The following MAML1 variants were observed in gnomAD, a reference collection of about 807,000 sequenced individuals.
MAML1 encodes the protein mastermind-like protein 1.
A neutral mutation model predicts 77.1 loss-of-function variants in MAML1; 14 were observed. The observed-to-expected ratio is 0.18, with a 90% CI of 0.12 to 0.28. MAML1 has a LOEUF of 0.28. MAML1 is among the 10% of genes least tolerant of loss of function. MAML1 has a pLI of 1.00. For missense variants in MAML1, 1,217 were observed against 1,327.8 expected (o/e 0.92, Z 1.30); for synonymous variants, 516 against 551.9 (o/e 0.93, Z 0.91).
At position 179,768,830 on chromosome 5, in the gene MAML1, T is replaced by A; in HGVS notation, c.1732-20T>A. 1.9e-6 allele frequency: 3 copies of A among 1,613,334 alleles called. No individual in the cohort carries two copies. The highest frequency in any genetic ancestry group is 2.5e-6 in the Non-Finnish European group (3 of 1,179,436). On this transcript the variant is annotated intron_variant, in intron 2 of 4. Transcript: ENST00000292599. ...TGATCAGAGCTTAGAGACTTCACAGTCCCCTATCTGTGTTGACAGGAGCAG... is the reference window on the plus strand; with the variant it reads ...TGATCAGAGCTTAGAGACTTCACAGACCCCTATCTGTGTTGACAGGAGCAG...
At chr5:179,754,864 T>C (rs140551120) in intron 1 of MAML1, among the ~76,000 whole-genome samples, 1 of 152,172 alleles carries the variant, frequency 6.6e-6, no homozygotes, top group Non-Finnish European at 1.5e-5. Context: ...ATTTTTGAGA[T>C]GAAGAGGGGA....
At position 179,746,294 on chromosome 5, in the gene MAML1, G is replaced by C. The variant is rs184989254; in HGVS notation, c.315+12867G>C. Among the ~76,000 whole-genome samples, 613 of 152,098 alleles carry C rather than the reference G, an allele frequency of 4.0e-3. 6 individuals carry two copies. Among genetic ancestry groups the C allele is most frequent in the African/African-American group, 0.014 (589 of 41,522 alleles). ...CTGGGAGGCAGAGATTGCAGTGAGC[G>C]GAGATTGTGCCACTGCACTGCAGCC... On this transcript the variant is annotated intron_variant, in intron 1 of 4. Coordinates refer to ENST00000292599, the MANE Select transcript of MAML1 (RefSeq NM_014757.5).
At chr5:179,735,443 A>C (rs1349093294) in intron 1 of MAML1, among the ~76,000 whole-genome samples, 1 of 152,180 alleles carries the variant, frequency 6.6e-6, no homozygotes, top group African/African-American at 2.4e-5. Flanking sequence ...GCTGGAGTGC[A>C]ATGGCGCGAT....
At chr5:179,752,338 A>ATATATATAT (rs1451163108) in intron 1 of MAML1, among the ~76,000 whole-genome samples, 61 of 50,310 alleles carry the variant, frequency 1.2e-3, no homozygotes, top group South Asian at 3.9e-3. Flanking sequence ...AAAAAAAAAA[A>ATATATATAT]AAAAAAAAAA....
At position 179,769,157 on chromosome 5, in the gene MAML1, TCA is replaced by T. The variant is rs1339729458; in HGVS notation, c.1971+72_1971+73del. 4 of 1,588,072 alleles carry T rather than the reference TCA, an allele frequency of 2.5e-6. No individual in the cohort carries two copies. In the African/African-American group the frequency reaches 4.0e-5, roughly 16 times the overall value. ...CCTGCACCCTGCGTCACTGCTACAGTCACACCTTCTGCTTGTGCGTGTGGATT... is the reference window on the plus strand; with the variant it reads ...CCTGCACCCTGCGTCACTGCTACAGTCACCTTCTGCTTGTGCGTGTGGATT... On this transcript the variant is annotated intron_variant, in intron 3 of 4. Transcript: ENST00000292599. The surrounding 1 kb of genome is among the most constrained non-coding windows in gnomAD (Gnocchi z 4.2).
chr5:179,752,325 CAAAA>C (rs1177449054), intron 1 of MAML1, among the ~76,000 whole-genome samples: 23 of 53,660 alleles, frequency 4.3e-4, no homozygotes, highest in Admixed American at 6.3e-4. Flanking sequence ...ACTCTGTCTC[CAAAA>C]AAAAAAAAAA....
At chr5:179,746,260 C>T (rs540448787) in intron 1 of MAML1, among the ~76,000 whole-genome samples, 3 of 151,852 alleles carry the variant, frequency 2.0e-5, no homozygotes, top group African/African-American at 2.4e-5. Context: ...GCAGGAGAAT[C>T]GCTTGAACCT....
intron 1 of MAML1, among the ~76,000 whole-genome samples, chr5:179,738,218 C>G (rs1176891855): frequency 6.6e-6 from 1 of 152,126 alleles, no homozygotes; most frequent in African/African-American, 2.4e-5. Flanking sequence ...GCCTCTTTCT[C>G]TCTCTCTCAG....
intron 1 of MAML1, among the ~76,000 whole-genome samples, chr5:179,750,955 T>C (rs1415624181): frequency 2.6e-5 from 4 of 152,162 alleles, no homozygotes; most frequent in Non-Finnish European, 5.9e-5. Flanking sequence ...TCTTCAGTGC[T>C]GTCCTGAAAA....
intron 1 of MAML1, among the ~76,000 whole-genome samples, chr5:179,735,832 C>T (rs560287387): frequency 3.9e-5 from 6 of 152,008 alleles, no homozygotes; most frequent in South Asian, 4.2e-4. Context: ...GGATTACAGG[C>T]GCACACTACC....
At position 179,773,919 on chromosome 5, in the gene MAML1, T is replaced by G. The variant is rs200916289; in HGVS notation, c.2093T>G (p.Met698Arg). 56 of 1,613,696 alleles carry G rather than the reference T, an allele frequency of 3.5e-5. No individual in the cohort carries two copies. The East Asian group carries it at 1.0e-3, about 30-fold the overall frequency. Residue 698 changes from methionine to arginine, a missense_variant, in exon 5 of 5, where the codon ATG becomes AGG. Met to Arg is a moderately conservative substitution (Grantham distance 91, BLOSUM62 -1). This residue lies in a region of MAML1 where 884 missense variants were observed against 949.3 expected (regional missense o/e 0.93). Transcript: ENST00000292599. ...FTGSSAAVPG[M>R]NTLGPSNSSC... ...GGGTCCTCTGCTGCCGTGCCCGGCA[T>G]GAACACCTTGGGTCCATCCAACTCC...
At chr5:179,759,513 A>G (rs1779685861) in intron 1 of MAML1, among the ~76,000 whole-genome samples, 1 of 152,176 alleles carries the variant, frequency 6.6e-6, no homozygotes, top group African/African-American at 2.4e-5. Context: ...CTTGGTTCAG[A>G]TTTGTGCTTT....
chr5:179,743,603 G>A lies in MAML1; in HGVS notation c.315+10176G>A, dbSNP rs141619044. ...GCCAGCCTCGATCTCCTAACCTTGC[G>A]ATCCACCCGCCTCAGCCTCTCAAAG... On this transcript the variant is annotated intron_variant, in intron 1 of 4. Coordinates refer to ENST00000292599, the MANE Select transcript of MAML1 (RefSeq NM_014757.5). Among the ~76,000 whole-genome samples the A allele has an allele frequency of 9.2e-5, 14 of 151,456 alleles. No individual in the cohort carries two copies. The East Asian group carries it at 2.3e-3, about 25-fold the overall frequency.
At chr5:179,763,273 A>C (rs1779754862) in intron 1 of MAML1, among the ~76,000 whole-genome samples, 1 of 152,236 alleles carries the variant, frequency 6.6e-6, no homozygotes, top group Non-Finnish European at 1.5e-5. Context: ...TTTTCAAATA[A>C]TGGCTTTTTA....
At chr5:179,735,846 C>T (rs1277473288) in intron 1 of MAML1, among the ~76,000 whole-genome samples, 1 of 151,836 alleles carries the variant, frequency 6.6e-6, no homozygotes, top group Non-Finnish European at 1.5e-5. Context: ...CACTACCACG[C>T]TTGGCTTATT....
chr5:179,757,238 C>T (rs956510249), intron 1 of MAML1, among the ~76,000 whole-genome samples: 29 of 152,162 alleles, frequency 1.9e-4, no homozygotes, highest in African/African-American at 6.5e-4. Context: ...CCCCTGAGAG[C>T]GTCTCCTTGT....
chr5:179,749,208 A>G lies in MAML1; in HGVS notation c.315+15781A>G, dbSNP rs529081268. ...AATGGCGCGATCTCTGCTCACTGCAACCTCCGCCTCTGGGTTCAAGCGATT... is the reference window on the plus strand; with the variant it reads ...AATGGCGCGATCTCTGCTCACTGCAGCCTCCGCCTCTGGGTTCAAGCGATT... On this transcript the variant is annotated intron_variant, in intron 1 of 4. Coordinates refer to ENST00000292599, the MANE Select transcript of MAML1 (RefSeq NM_014757.5). Among the ~76,000 whole-genome samples, 5 of 151,810 alleles carry G rather than the reference A, an allele frequency of 3.3e-5. No individual in the cohort carries two copies. The East Asian group carries it at 7.8e-4, about 24-fold the overall frequency.
At position 179,771,338 on chromosome 5, in the gene MAML1, C is replaced by T. The variant is rs1319986280; in HGVS notation, c.2068+95C>T. 3.9e-6 allele frequency: 4 copies of T among 1,019,636 alleles called. No homozygotes were observed. In the African/African-American group the frequency reaches 4.7e-5, roughly 12 times the overall value. The allele number at this position is 1,019,636 out of a possible 1,614,324, so 63.2% of individuals were successfully genotyped here. ...TCTGCCCAGCTCTATGCCTTGACTT[C>T]ATCAGGCTGCATGCATTGTCATCAT... On this transcript the variant is annotated intron_variant, in intron 4 of 4. Coordinates refer to ENST00000292599, the MANE Select transcript of MAML1 (RefSeq NM_014757.5). This position sits in a 1 kb window ranked among gnomAD's most constrained non-coding sequence, Gnocchi z 4.7.
intron 1 of MAML1, among the ~76,000 whole-genome samples, chr5:179,742,114 C>T (rs1240556645): frequency 6.7e-6 from 1 of 149,364 alleles, no homozygotes; most frequent in Admixed American, 6.7e-5. Context: ...CTCAGGTGAT[C>T]CACCCGCCTC....
Sources: gnomAD v4.1 joint callset for allele counts (sites outside exome capture counted in the v4.1 genomes callset) on GRCh38, gnomAD v4.1.1 for gene constraint, gnomAD v4.1.1 regional missense constraint, Gnocchi (gnomAD v3.1) non-coding constraint, MANE v1.5 for transcripts, NCBI Gene and HGNC (gene_info 2026-07-23, HGNC 2026-07-21) for gene names.